CFAP92: variants seen among roughly 807,000 people sequenced by gnomAD.
CFAP92 encodes cilia and flagella associated protein 92 (putative), also known as uncharacterized protein CFAP92.
CFAP92 carries 86 observed loss-of-function variants against 106.3 expected under a neutral mutation model. The ratio of observed to expected loss-of-function variants is 0.81; its 90% CI spans 0.68 to 0.97. The LOEUF is 0.97. Among genes scored for constraint, CFAP92 ranks in the 50% least tolerant of loss-of-function variants. The pLI is 0.00. For missense variants in CFAP92, 1,204 were observed against 1,283.8 expected (o/e 0.94, Z 0.95); for synonymous variants, 477 against 506.4 (o/e 0.94, Z 0.78).
upstream of CFAP92, chr3:128,994,102 A>G (rs1404791366): frequency 3.2e-5 from 32 of 985,298 alleles, no homozygotes; most frequent in Non-Finnish European, 3.7e-5. Flanking sequence ...CGGTGCAGGG[A>G]GGGCCGCAGG....
chr3:128,971,732 T>C (rs1268085762), intron 7 of CFAP92, among the ~76,000 whole-genome samples: 1 of 152,210 alleles, frequency 6.6e-6, no homozygotes, highest in Admixed American at 6.5e-5. Flanking sequence ...CATAACACAC[T>C]CAAGGCTCTC....
chr3:128,910,678 T>C, intron 15 of CFAP92: 4 of 1,591,890 alleles, frequency 2.5e-6, no homozygotes, highest in Non-Finnish European at 3.4e-6. Context: ...GGCTGGGTTT[T>C]TGAAGCTCAG....
upstream of CFAP92, among the ~76,000 whole-genome samples, chr3:128,998,705 T>A (rs1343535743): frequency 3.9e-5 from 6 of 152,098 alleles, no homozygotes; most frequent in Admixed American, 2.0e-4. Context: ...TTATAGTTCA[T>A]CCCCAGGGAG....
intron 8 of CFAP92, chr3:128,968,473 G>A (rs939438609): frequency 2.0e-5 from 3 of 152,202 alleles, no homozygotes; most frequent in Non-Finnish European, 4.4e-5. Flanking sequence ...CAACTGGCCT[G>A]CTGAGCTGAC....
chr3:129,014,054 A>G, the CFAP92 span, among the ~76,000 whole-genome samples: 48 of 152,310 alleles, frequency 3.2e-4, no homozygotes, highest in African/African-American at 1.1e-3. This position sits in a 1 kb window ranked among gnomAD's most constrained non-coding sequence, Gnocchi z 4.3. Context: ...GGGCAGACAG[A>G]GTCTTCAGGC....
chr3:128,993,336 C>T lies in CFAP92; in HGVS notation c.-32G>A. 1.9e-6 allele frequency: 3 copies of T among 1,587,992 alleles called. No individual in the cohort carries two copies. The highest frequency in any genetic ancestry group is 2.3e-5 in the South Asian group (2 of 88,852). The stretch of plus-strand genomic sequence containing the variant: ...GAGCGCACTGCTGGCCGCCGGCGCT[C>T]CTGGCAGGGAGAAAGTGAAGGCTGT... On this transcript the variant is annotated splice_region_variant and 5_prime_UTR_variant, in exon 2 of 16. Coordinates refer to ENST00000645291, the MANE Select transcript of CFAP92 (RefSeq NM_001394090.1).
chr3:128,912,864 G>T (rs538465197), intron 15 of CFAP92: 2 of 639,420 alleles, frequency 3.1e-6, no homozygotes, highest in Admixed American at 3.6e-5. Flanking sequence ...CCCTGGAACT[G>T]GCGGGTATTC....
chr3:128,936,110 G>A (rs375403176), intron 10 of CFAP92, among the ~76,000 whole-genome samples: 1 of 148,934 alleles, frequency 6.7e-6, no homozygotes, highest in Non-Finnish European at 1.5e-5. Context: ...TGGCACTCGC[G>A]GTCTGCACTG....
At chr3:128,973,051 T>A (rs1303433578) in intron 7 of CFAP92, among the ~76,000 whole-genome samples, 9 of 152,120 alleles carry the variant, frequency 5.9e-5, no homozygotes, top group Admixed American at 5.9e-4. Flanking sequence ...AGTTAAATAA[T>A]TGGTGTACAA....
At chr3:128,973,225 G>A (rs1024092522) in intron 7 of CFAP92, among the ~76,000 whole-genome samples, 1 of 152,134 alleles carries the variant, frequency 6.6e-6, no homozygotes, top group Non-Finnish European at 1.5e-5. Flanking sequence ...GCAAAGATAT[G>A]AATAGGAAAA....
chr3:128,937,360 C>T (rs907302805), intron 10 of CFAP92, among the ~76,000 whole-genome samples: 17 of 150,292 alleles, frequency 1.1e-4, no homozygotes, highest in African/African-American at 4.2e-4. Flanking sequence ...CGCCTGTAAT[C>T]CCAGTACTAT....
At position 128,956,203 on chromosome 3, in the gene CFAP92, AAAAT is replaced by A. The variant is rs1941383904; in HGVS notation, c.1353+9304_1353+9307del. On this transcript the variant is annotated intron_variant, in intron 9 of 15. Transcript: ENST00000645291. ...ATAAATTAAAAAAAAAAATAAAAAA[AAAAT>A]AAAAAAATAAAAAAAAAAAAAGAAA... Among the ~76,000 whole-genome samples the A allele has an allele frequency of 1.3e-4, 14 of 104,400 alleles. 1 individual carries two copies. Among genetic ancestry groups the A allele is most frequent in the Admixed American group, 4.8e-4 (5 of 10,508 alleles). The allele number at this position is 104,400 out of a possible 152,430, so 68.5% of individuals were successfully genotyped here. A position where few individuals can be genotyped will look rare whatever the true frequency, so the allele number is the denominator to read the frequency against.
chr3:128,911,545 C>T (rs1300694602), intron 15 of CFAP92, among the ~76,000 whole-genome samples: 1 of 152,220 alleles, frequency 6.6e-6, no homozygotes, highest in Non-Finnish European at 1.5e-5. Flanking sequence ...TCAAGCAACT[C>T]CTGTGCCTCA....
rs1576466960 is a variant in CFAP92 at position 128,945,198 on chromosome 3, C to G, written c.2131G>C (p.Val711Leu). 6 of 1,536,074 alleles carry G rather than the reference C, an allele frequency of 3.9e-6. No homozygotes were observed. The East Asian group carries it at 1.5e-4, about 38-fold the overall frequency. The change falls in exon 10 of 16, where the codon GTC (valine) becomes CTC (leucine). Residue 711 changes from valine to leucine, a missense_variant. Coordinates refer to ENST00000645291, the MANE Select transcript of CFAP92 (RefSeq NM_001394090.1). ...ILSAFKVRVRVQEQQHLDVLT... is the reference protein window; with the variant it reads ...ILSAFKVRVRLQEQQHLDVLT... The stretch of plus-strand genomic sequence containing the variant: ...ACATCCAGGTGCTGCTGCTCCTGGA[C>G]CCGCACACGCACCTTGAAGGCTGAC...
chr3:128,942,142 C>A (rs1248842595), intron 10 of CFAP92, among the ~76,000 whole-genome samples: 3 of 152,284 alleles, frequency 2.0e-5, no homozygotes, highest in African/African-American at 7.2e-5. Flanking sequence ...TTTGATAATG[C>A]ACTAGAAGGG....
chr3:128,918,940 ATTTTTTTT>A (rs10573280), intron 12 of CFAP92, among the ~76,000 whole-genome samples: 8 of 105,860 alleles, frequency 7.6e-5, no homozygotes, highest in East Asian at 6.2e-4. Context: ...CTCAGATTGG[ATTTTTTTT>A]TTTTTTTTTT....
chr3:128,978,210 C>T, intron 4 of CFAP92, 25 bp from the exon 5 acceptor site: 2 of 1,604,384 alleles, frequency 1.2e-6, no homozygotes, highest in Non-Finnish European at 1.7e-6. Context: ...AAGAAAGGAT[C>T]ATTGACTCAA....
At position 128,942,691 on chromosome 3, in the gene CFAP92, T is replaced by TC. The variant is rs572894510; in HGVS notation, c.2258+2379_2258+2380insG. Among the ~76,000 whole-genome samples, 234 of 152,112 alleles carry TC rather than the reference T, an allele frequency of 1.5e-3. 1 individual carries two copies. The highest frequency in any genetic ancestry group is 5.5e-3 in the African/African-American group (229 of 41,494). On this transcript the variant is annotated intron_variant, in intron 10 of 15. Coordinates refer to ENST00000645291, the MANE Select transcript of CFAP92 (RefSeq NM_001394090.1). ...CACAAAACTCAATCTTTTTTTTTTT[T>TC]TGAGATGGAATCTTGCTCTGCCACC...
chr3:128,922,287 G>A (rs1937354723), intron 12 of CFAP92, among the ~76,000 whole-genome samples: 2 of 151,840 alleles, frequency 1.3e-5, no homozygotes, highest in African/African-American at 2.4e-5. Flanking sequence ...AGCTTGCAGT[G>A]AGTCAAGATC....
Sources: allele counts gnomAD v4.1 joint callset (sites outside exome capture counted in the v4.1 genomes callset), GRCh38; gene constraint gnomAD v4.1.1; non-coding constraint Gnocchi (gnomAD v3.1); transcripts MANE v1.5; gene names NCBI Gene and HGNC (gene_info 2026-07-23, HGNC 2026-07-21).